Variants in CDC16 observed in about 807,000 individuals in gnomAD.
The protein encoded by CDC16 is cell division cycle 16, also known as cell division cycle protein 16 homolog.
Under a neutral mutation model 87.0 loss-of-function variants are expected in CDC16, and 34 were observed. That is an observed-to-expected ratio of 0.39 (90% CI 0.30 to 0.52). The LOEUF is 0.52. Ranked by LOEUF, CDC16 falls within the 20% of genes least tolerant of loss-of-function variation. The pLI is 0.74. For synonymous variants in CDC16, 263 were observed against 260.6 expected, an observed-to-expected ratio of 1.01 and a Z score of -0.09; for missense variants, 653 against 751.9, an observed-to-expected ratio of 0.87 and a Z score of 1.54.
intron 7 of CDC16, 29 bp downstream of exon 7, chr13:114,243,377 C>G (rs759240667): frequency 1.9e-6 from 2 of 1,042,188 alleles, no homozygotes; most frequent in Non-Finnish European, 3.0e-6. Context: ...TTAGCACTTG[C>G]TTTATGTAAA....
chr13:114,252,330 C>T (rs2082242037), intron 12 of CDC16, among the ~76,000 whole-genome samples: 1 of 152,220 alleles, frequency 6.6e-6, no homozygotes, highest in Non-Finnish European at 1.5e-5. Context: ...ACTCTTAGGA[C>T]TTCATGTAAC....
At chr13:114,264,558 CAAAAA>C (rs1425350344) in intron 16 of CDC16, among the ~76,000 whole-genome samples, 3 of 146,594 alleles carry the variant, frequency 2.0e-5, no homozygotes, top group Non-Finnish European at 4.5e-5. Context: ...GACTCTGTCT[CAAAAA>C]AAAAGGAAAA....
intron 11 of CDC16, among the ~76,000 whole-genome samples, chr13:114,248,561 A>G (rs556545497): frequency 6.6e-6 from 1 of 152,222 alleles, no homozygotes; most frequent in East Asian, 1.9e-4. Flanking sequence ...TGCACCTGTA[A>G]TCCCCGCTAC....
At chr13:114,246,851 T>C (rs2081899199) in intron 10 of CDC16, 80 bp from the exon 11 acceptor site, 1 of 849,600 alleles carries the variant, frequency 1.2e-6, no homozygotes, top group Non-Finnish European at 2.1e-6. Flanking sequence ...GTATACCCTC[T>C]GTCTACCCTA....
At chr13:114,247,038 T>C in intron 11 of CDC16, 34 bp downstream of exon 11, 1 of 1,346,500 alleles carries the variant, frequency 7.4e-7, no homozygotes, top group Non-Finnish European at 1.1e-6. Flanking sequence ...CTAGTTAACC[T>C]GTAGAATTGA....
chr13:114,238,600 A>G (rs755442924), intron 3 of CDC16, among the ~76,000 whole-genome samples: 39 of 152,200 alleles, frequency 2.6e-4, no homozygotes, highest in Non-Finnish European at 4.9e-4. Flanking sequence ...AGTTATTCAC[A>G]CTCAGTGCTT....
chr13:114,238,903 A>G (rs1251318847), intron 3 of CDC16, 87 bp from the exon 4 acceptor site: 1 of 1,461,208 alleles, frequency 6.8e-7, no homozygotes, highest in African/African-American at 1.4e-5. Context: ...TTATGAAATT[A>G]GTTCTATTTT....
intron 17 of CDC16, among the ~76,000 whole-genome samples, chr13:114,268,381 T>A (rs2083386251): frequency 6.6e-6 from 1 of 152,164 alleles, no homozygotes; most frequent in Non-Finnish European, 1.5e-5. Context: ...CAATGGAACA[T>A]GAAAGCATAG....
At chr13:114,256,917 A>G (rs1247845416) in intron 12 of CDC16, among the ~76,000 whole-genome samples, 161 bp from the exon 13 acceptor site, 1 of 152,262 alleles carries the variant, frequency 6.6e-6, no homozygotes, top group Non-Finnish European at 1.5e-5. Flanking sequence ...TCCAAAGCCC[A>G]TTAGGCATTC....
chr13:114,239,260 G>A (rs1357872723), intron 4 of CDC16, 90 bp from the exon 5 acceptor site: 21 of 1,504,696 alleles, frequency 1.4e-5, no homozygotes, highest in South Asian at 1.2e-4. Context: ...TAAATAATGG[G>A]CATAGTATAT....
Position 114,244,936 on chromosome 13 carries a change from A to C in CDC16, c.814A>C (p.Ile272Leu). ...CCATGCAAGTTGTTTACCTGTACATATAGGGACGCTTGTAGAGCTGAATAA... is the reference window on the plus strand; with the variant it reads ...CCATGCAAGTTGTTTACCTGTACATCTAGGGACGCTTGTAGAGCTGAATAA... Reference protein sequence around the residue: ...PFHASCLPVHIGTLVELNKAN... With the variant: ...PFHASCLPVHLGTLVELNKAN... Residue 272 changes from isoleucine to leucine, a missense_variant, in exon 9 of 18, where the codon ATA becomes CTA. Coordinates refer to ENST00000356221, the MANE Select transcript of CDC16 (RefSeq NM_001078645.3). 6.2e-7 allele frequency: 1 copy of C among 1,610,090 alleles called. No homozygotes were observed. The highest frequency in any genetic ancestry group is 8.5e-7 in the Non-Finnish European group (1 of 1,177,102).
chr13:114,272,594 G>A lies in CDC16; in HGVS notation c.*151G>A, dbSNP rs553755485. ...GAGACCCGCCTTAAGAGACTGGATCGCACACCTTTGCAACAGATGTGTTCT... is the reference window on the plus strand; with the variant it reads ...GAGACCCGCCTTAAGAGACTGGATCACACACCTTTGCAACAGATGTGTTCT... On this transcript the variant is annotated 3_prime_UTR_variant, in exon 18 of 18. Transcript: ENST00000356221. The A allele has an allele frequency of 3.9e-5, 23 of 595,326 alleles. No individual in the cohort carries two copies. In the East Asian group the frequency reaches 4.2e-4, roughly 11 times the overall value. 36.9% of individuals were successfully genotyped at this position (595,326 alleles called of 1,614,324 possible).
At chr13:114,261,998 AC>A (rs1555360740) in intron 15 of CDC16, 50 bp downstream of exon 15, 1 of 1,168,896 alleles carries the variant, frequency 8.6e-7, no homozygotes, top group Non-Finnish European at 1.2e-6. Flanking sequence ...CTCAAAGTTT[AC>A]TTAATTTTGA....
intron 12 of CDC16, among the ~76,000 whole-genome samples, chr13:114,255,913 TGAGCCCAGG>T (rs1351138918): frequency 9.9e-5 from 15 of 152,252 alleles, no homozygotes; most frequent in African/African-American, 2.9e-4. Context: ...ATTACAGGTA[TGAGCCCAGG>T]GGGCTCTTTT....
intron 17 of CDC16, among the ~76,000 whole-genome samples, chr13:114,266,552 T>G (rs1305353759): frequency 6.6e-6 from 1 of 152,186 alleles, no homozygotes; most frequent in East Asian, 1.9e-4. Flanking sequence ...ACTTGTGTGG[T>G]AGCTCATGGC....
intron 11 of CDC16, 142 bp downstream of exon 11, chr13:114,247,146 CTCTT>C (rs1310058923): frequency 2.5e-5 from 15 of 611,388 alleles, no homozygotes; most frequent in Non-Finnish European, 3.7e-5. Context: ...TTTTCTTTCT[CTCTT>C]TCTTTCTTGC....
chr13:114,238,391 G>A (rs1408833611), intron 3 of CDC16, among the ~76,000 whole-genome samples: 7 of 147,624 alleles, frequency 4.7e-5, no homozygotes, highest in African/African-American at 1.8e-4. Context: ...CTGAAGTGGA[G>A]CTGCTGCGAG....
intron 3 of CDC16, among the ~76,000 whole-genome samples, chr13:114,238,506 C>G (rs1185170639): frequency 1.3e-5 from 2 of 151,368 alleles, no homozygotes; most frequent in African/African-American, 4.9e-5. Context: ...TGAAGTGGAG[C>G]TGCTGCGATC....
At chr13:114,265,085 A>G in intron 16 of CDC16, 65 bp from the exon 17 acceptor site, 1 of 1,156,332 alleles carries the variant, frequency 8.6e-7, no homozygotes, top group South Asian at 1.2e-5. Flanking sequence ...TTTTGAAATG[A>G]ATCAGTGTGG....
Sources: allele counts gnomAD v4.1 joint callset (sites outside exome capture counted in the v4.1 genomes callset), GRCh38; gene constraint gnomAD v4.1.1; transcripts MANE v1.5; gene names NCBI Gene and HGNC (gene_info 2026-07-23, HGNC 2026-07-21).